OMA1: variants seen among roughly 807,000 people sequenced by gnomAD.
The protein encoded by OMA1 is metalloendopeptidase OMA1, mitochondrial.
In OMA1, 38 loss-of-function variants were observed where a neutral mutation model predicts 30.9. The observed-to-expected ratio is 1.23, with a 90% CI of 0.95 to 1.61. The LOEUF is 1.61. Among genes scored for constraint, OMA1 ranks in the 40% most tolerant of loss-of-function variants. The pLI is 0.00. For missense variants in OMA1, 461 were observed against 349.2 expected (o/e 1.32, Z -2.55); for synonymous variants, 173 against 121.9 (o/e 1.42, Z -2.76).
intron 7 of OMA1, among the ~76,000 whole-genome samples, chr1:58,516,791 T>C (rs568542813): frequency 1.3e-5 from 2 of 152,254 alleles, no homozygotes; most frequent in African/African-American, 4.8e-5. Flanking sequence ...CTCACAAGAT[T>C]GACATAAAAT....
At chr1:58,488,963 G>A (rs548565135) in intron 8 of OMA1, among the ~76,000 whole-genome samples, 46 of 152,334 alleles carry the variant, frequency 3.0e-4, no homozygotes, top group African/African-American at 1.0e-3. Context: ...TATTCCTGCT[G>A]GAGCCAAGAT....
At chr1:58,486,388 T>C (rs1198225442) in intron 8 of OMA1, among the ~76,000 whole-genome samples, 1 of 152,226 alleles carries the variant, frequency 6.6e-6, no homozygotes, top group African/African-American at 2.4e-5. Context: ...TACTATTTCC[T>C]GCGACCATCT....
intron 1 of OMA1, among the ~76,000 whole-genome samples, chr1:58,543,814 A>G (rs1646659413): frequency 6.6e-6 from 1 of 152,222 alleles, no homozygotes; most frequent in Non-Finnish European, 1.5e-5. Flanking sequence ...TCAAACGTCT[A>G]AAGAAGCACC....
chr1:58,544,447 C>T (rs1646670035), intron 1 of OMA1, among the ~76,000 whole-genome samples: 1 of 152,152 alleles, frequency 6.6e-6, no homozygotes, highest in African/African-American at 2.4e-5. Flanking sequence ...CCAAACTATT[C>T]ACAATTATTT....
Position 58,527,280 on chromosome 1 carries a change from C to T in OMA1, c.1196G>A (p.Gly399Glu), listed in dbSNP as rs1381505242. 1.1e-6 allele frequency: 1 copy of T among 872,170 alleles called. No homozygotes were observed. The allele number at this position is 872,170 out of a possible 1,614,324, so 54.0% of individuals were successfully genotyped here. A position where few individuals can be genotyped will look rare whatever the true frequency, so the allele number is the denominator to read the frequency against. ...RKLEAEADKI[G>E]LLLAAKACAD... Reference sequence around the variant, plus strand: ...CTTTACCTTTGCAGCAAGCAGTAGTCCAATTTTGTCAGCTTCGGCCTCCAA... The same window carrying T: ...CTTTACCTTTGCAGCAAGCAGTAGTTCAATTTTGTCAGCTTCGGCCTCCAA... The change falls in exon 7 of 9, where the codon GGA becomes GAA. Residue 399 changes from glycine to glutamate, a missense_variant. Physicochemically the swap from Gly to Glu is moderately conservative, Grantham distance 98. Coordinates refer to ENST00000371226, the MANE Select transcript of OMA1 (RefSeq NM_145243.5).
intron 7 of OMA1, among the ~76,000 whole-genome samples, chr1:58,509,914 G>A (rs1425969030): frequency 6.6e-6 from 1 of 151,918 alleles, no homozygotes; most frequent in Non-Finnish European, 1.5e-5. Flanking sequence ...TAAACTCCAA[G>A]AAATATACAA....
At chr1:58,492,234 A>G (rs1645708506) in intron 8 of OMA1, among the ~76,000 whole-genome samples, 1 of 152,214 alleles carries the variant, frequency 6.6e-6, no homozygotes, top group Non-Finnish European at 1.5e-5. Flanking sequence ...AAGACACAAC[A>G]TACCAGAATC....
intron 8 of OMA1, among the ~76,000 whole-genome samples, chr1:58,486,551 A>G (rs1199764533): frequency 6.6e-6 from 1 of 152,196 alleles, no homozygotes; most frequent in Non-Finnish European, 1.5e-5. Context: ...CATTTAACTA[A>G]TATTCACTAA....
At chr1:58,490,385 T>C (rs887037793) in intron 8 of OMA1, among the ~76,000 whole-genome samples, 9 of 151,732 alleles carry the variant, frequency 5.9e-5, no homozygotes, top group Non-Finnish European at 1.2e-4. Flanking sequence ...GAAGAGAAGG[T>C]TAGAGAAAAA....
intron 8 of OMA1, among the ~76,000 whole-genome samples, chr1:58,493,869 T>A (rs1383245427): frequency 1.3e-5 from 2 of 151,454 alleles, no homozygotes; most frequent in Non-Finnish European, 1.5e-5. Flanking sequence ...TTCAATGCCA[T>A]CCCCATCAAG....
At chr1:58,527,767 T>TA (rs35093379) in intron 6 of OMA1, among the ~76,000 whole-genome samples, 17,701 of 152,220 alleles carry the variant, frequency 0.12, 1,229 homozygotes, top group African/African-American at 0.18. Flanking sequence ...TTTATTTCAG[T>TA]AAAAAAATTA....
At chr1:58,518,656 G>GT (rs890299741) in intron 7 of OMA1, among the ~76,000 whole-genome samples, 9 of 151,098 alleles carry the variant, frequency 6.0e-5, no homozygotes, top group African/African-American at 9.7e-5. Flanking sequence ...GGACTCCAGG[G>GT]TTTTTTTTCC....
chr1:58,512,825 T>C (rs553100090), intron 7 of OMA1, among the ~76,000 whole-genome samples: 5 of 152,334 alleles, frequency 3.3e-5, no homozygotes, highest in South Asian at 2.1e-4. Context: ...AGAGATCTGA[T>C]ATACAGCATG....
intron 8 of OMA1, among the ~76,000 whole-genome samples, chr1:58,504,776 A>G (rs1400527088): frequency 6.6e-6 from 1 of 152,064 alleles, no homozygotes; most frequent in East Asian, 1.9e-4. Flanking sequence ...TACCGTTTTT[A>G]TTTTTCTTAT....
At position 58,503,874 on chromosome 1, in the gene OMA1, T is replaced by G. The variant is rs182020706; in HGVS notation, c.1365+2186A>C. On this transcript the variant is annotated intron_variant, in intron 8 of 8. Coordinates refer to ENST00000371226, the MANE Select transcript of OMA1 (RefSeq NM_145243.5). ...TAAAATAGGTGTTAAGAAGCCATGC[T>G]TGGCTGTCCTCAATGCTCACAAAAG... is the stretch of plus-strand genomic sequence containing the variant. Among the ~76,000 whole-genome samples the G allele has an allele frequency of 2.3e-4, 35 of 152,356 alleles. No individual in the cohort carries two copies. In the East Asian group the frequency reaches 6.6e-3, roughly 29 times the overall value.
At chr1:58,498,631 G>A (rs992577744) in intron 8 of OMA1, among the ~76,000 whole-genome samples, 1 of 152,086 alleles carries the variant, frequency 6.6e-6, no homozygotes, top group African/African-American at 2.4e-5. Flanking sequence ...ACTCTATAAA[G>A]GAAATCTCTA....
intron 8 of OMA1, among the ~76,000 whole-genome samples, chr1:58,500,994 CTAT>C (rs1346084947): frequency 6.6e-6 from 1 of 152,138 alleles, no homozygotes; most frequent in Non-Finnish European, 1.5e-5. Flanking sequence ...AACTGTCATA[CTAT>C]TAAACATCAA....
intron 8 of OMA1, among the ~76,000 whole-genome samples, chr1:58,488,726 A>G (rs1000997792): frequency 3.3e-5 from 5 of 152,234 alleles, no homozygotes; most frequent in Non-Finnish European, 7.3e-5. Context: ...CTGGGATTAC[A>G]GGCGTGAGCC....
chr1:58,534,764 G>A (rs6682661), intron 3 of OMA1, among the ~76,000 whole-genome samples: 17,725 of 151,916 alleles, frequency 0.12, 1,234 homozygotes, highest in African/African-American at 0.19. Context: ...GTGAAACCCC[G>A]TCTCTACCGA....
Sources: allele counts gnomAD v4.1 joint callset (sites outside exome capture counted in the v4.1 genomes callset), GRCh38; gene constraint gnomAD v4.1.1; transcripts MANE v1.5; gene names NCBI Gene and HGNC (gene_info 2026-07-23, HGNC 2026-07-21).